Variants in NTM observed in about 807,000 individuals in gnomAD.
NTM encodes the protein neurotrimin, also known as IgLON family member 2.
Under a neutral mutation model 42.1 loss-of-function variants are expected in NTM, and 13 were observed. That is an observed-to-expected ratio of 0.31 (90% CI 0.20 to 0.49). NTM has a LOEUF of 0.49. Ranked by LOEUF, NTM falls within the 20% of genes least tolerant of loss-of-function variation. The pLI, the probability that NTM is intolerant of heterozygous loss-of-function variation, is 0.99. For missense variants in NTM, 373 were observed against 452.8 expected, an observed-to-expected ratio of 0.82 and a Z score of 1.60; for synonymous variants, 187 against 179.2, an observed-to-expected ratio of 1.04 and a Z score of -0.35.
At chr11:131,968,112 A>T (rs1360366294) in intron 2 of NTM, among the ~76,000 whole-genome samples, 1 of 152,226 alleles carries the variant, frequency 6.6e-6, no homozygotes, top group African/African-American at 2.4e-5. Context: ...AATCACCTTT[A>T]TACAATTATC....
chr11:131,486,015 C>T (rs891644302), intron 1 of NTM, among the ~76,000 whole-genome samples: 27 of 151,982 alleles, frequency 1.8e-4, no homozygotes, highest in Middle Eastern at 3.2e-3. Context: ...ACAGAGTTGT[C>T]GTGAGGTTCA....
chr11:131,968,726 G>A (rs1481531783), intron 2 of NTM, among the ~76,000 whole-genome samples: 1 of 152,126 alleles, frequency 6.6e-6, no homozygotes, highest in Non-Finnish European at 1.5e-5. Context: ...CAGGCATGGG[G>A]GTGATAATTC....
At chr11:131,591,434 T>A (rs1189667922) in intron 1 of NTM, among the ~76,000 whole-genome samples, 1 of 152,012 alleles carries the variant, frequency 6.6e-6, no homozygotes, top group Non-Finnish European at 1.5e-5. Flanking sequence ...CTGGGGGAGA[T>A]GGAAGGGGGG....
chr11:132,176,732 T>G (rs1043514287), intron 3 of NTM, among the ~76,000 whole-genome samples: 54 of 141,634 alleles, frequency 3.8e-4, no homozygotes, highest in African/African-American at 1.4e-3. Context: ...GTTTTTTTTT[T>G]TTTTTTTTTT....
At chr11:131,503,698 CT>C (rs35447251) in intron 1 of NTM, among the ~76,000 whole-genome samples, 13 of 151,310 alleles carry the variant, frequency 8.6e-5, no homozygotes, top group South Asian at 2.1e-4. Flanking sequence ...AATTGTTTCT[CT>C]TTTTTTTGTA....
At chr11:131,435,125 C>T (rs1042582197) in intron 1 of NTM, among the ~76,000 whole-genome samples, 5 of 152,044 alleles carry the variant, frequency 3.3e-5, no homozygotes, top group African/African-American at 1.2e-4. Flanking sequence ...TTTCTGAGGC[C>T]TCTGTTCTGT....
intron 2 of NTM, among the ~76,000 whole-genome samples, chr11:132,039,592 G>A (rs1448711877): frequency 6.6e-6 from 1 of 152,106 alleles, no homozygotes; most frequent in African/African-American, 2.4e-5. Flanking sequence ...GGGCCAGGAA[G>A]AGGAGTGGAG....
At chr11:131,675,148 C>T (rs1449490946) in intron 1 of NTM, among the ~76,000 whole-genome samples, 1 of 152,162 alleles carries the variant, frequency 6.6e-6, no homozygotes, top group African/African-American at 2.4e-5. Flanking sequence ...ACGAAGAGAG[C>T]ATTTATCTTT....
At chr11:131,404,592 T>C (rs948948236) in intron 1 of NTM, among the ~76,000 whole-genome samples, 3 of 152,182 alleles carry the variant, frequency 2.0e-5, no homozygotes, top group Non-Finnish European at 4.4e-5. Context: ...ACCTTCCCCA[T>C]GAACTCCAGA....
chr11:131,924,316 G>C lies in NTM; in HGVS notation c.167+12668G>C, dbSNP rs2057651678. 1.3e-5 allele frequency among the ~76,000 whole-genome samples: 2 copies of C among 152,164 alleles called. 1 individual carries two copies. Among genetic ancestry groups the C allele is most frequent in the South Asian group, 4.1e-4 (2 of 4,824 alleles). On this transcript the variant is annotated intron_variant, in intron 2 of 8. Transcript: ENST00000683400. ...TGGCTCTGTCCCAACGCATCATGTGGGGCTACTAAGAAAATGAGCATTCCC... is the reference window on the plus strand; with the variant it reads ...TGGCTCTGTCCCAACGCATCATGTGCGGCTACTAAGAAAATGAGCATTCCC...
At chr11:132,058,486 A>G (rs2080084639) in intron 2 of NTM, among the ~76,000 whole-genome samples, 2 of 152,100 alleles carry the variant, frequency 1.3e-5, no homozygotes, top group Non-Finnish European at 2.9e-5. Flanking sequence ...GACTTCTCCC[A>G]CTGCAATGAG....
chr11:132,100,791 T>C (rs2061535002), intron 2 of NTM, among the ~76,000 whole-genome samples: 1 of 152,204 alleles, frequency 6.6e-6, no homozygotes, highest in Admixed American at 6.5e-5. Flanking sequence ...TGTTTTGATA[T>C]GTGAGGTGGG....
Position 132,304,157 on chromosome 11 carries a change from T to C in NTM, c.527-3532T>C, listed in dbSNP as rs141731505. On this transcript the variant is annotated intron_variant, in intron 4 of 8. Coordinates refer to ENST00000683400, the MANE Select transcript of NTM (RefSeq NM_001352005.2). ...GATAATAAGGGAGTAGAGTTTGTGT[T>C]TGATGTGACAGAAAAATAAGGAGCC... Among the ~76,000 whole-genome samples the C allele has an allele frequency of 2.2e-4, 34 of 152,264 alleles. No homozygotes were observed. In the East Asian group the frequency reaches 4.1e-3, roughly 18 times the overall value.
At chr11:132,315,013 T>TCATTCTATAATGG (rs2095390821) in intron 7 of NTM, 1 of 1,131,602 alleles carries the variant, frequency 8.8e-7, no homozygotes, top group Non-Finnish European at 1.1e-6. Flanking sequence ...TGTTCATGTT[T>TCATTCTATAATGG]CATTCTATAA....
Position 132,005,169 on chromosome 11 carries a change from G to A in NTM, c.167+93521G>A, listed in dbSNP as rs184015740. Among the ~76,000 whole-genome samples, 41 of 152,212 alleles carry A rather than the reference G, an allele frequency of 2.7e-4. No homozygotes were observed. The East Asian group carries it at 7.6e-3, about 28-fold the overall frequency. ...AGTCTAAAAAAATATCACTCTCCAGGTCCCATGCATGGAGATTGTCATTCT... is the reference window on the plus strand; with the variant it reads ...AGTCTAAAAAAATATCACTCTCCAGATCCCATGCATGGAGATTGTCATTCT... On this transcript the variant is annotated intron_variant, in intron 2 of 8. Transcript: ENST00000683400.
chr11:131,809,480 C>T (rs1031317043), intron 1 of NTM, among the ~76,000 whole-genome samples: 5 of 152,138 alleles, frequency 3.3e-5, no homozygotes, highest in East Asian at 1.9e-4. Flanking sequence ...TGAGGCCACC[C>T]GTATAAGACT....
At chr11:132,312,936 C>G (rs146953351) in intron 6 of NTM, among the ~76,000 whole-genome samples, 1 of 152,144 alleles carries the variant, frequency 6.6e-6, no homozygotes, top group Non-Finnish European at 1.5e-5. Flanking sequence ...AGTTCATTGC[C>G]CCTAGCGTTT....
intron 4 of NTM, among the ~76,000 whole-genome samples, chr11:132,250,024 C>T (rs1166043822): frequency 3.9e-5 from 6 of 152,210 alleles, no homozygotes; most frequent in African/African-American, 1.4e-4. Context: ...TATTTTCCTT[C>T]TGCCTTAATC....
chr11:132,277,036 AT>A (rs1272602384), intron 4 of NTM, among the ~76,000 whole-genome samples: 1 of 152,080 alleles, frequency 6.6e-6, no homozygotes, highest in Non-Finnish European at 1.5e-5. Context: ...ATCCACTTCT[AT>A]TTCTAGCAGT....
Sources: allele counts gnomAD v4.1 joint callset (sites outside exome capture counted in the v4.1 genomes callset), GRCh38; gene constraint gnomAD v4.1.1; transcripts MANE v1.5; gene names NCBI Gene and HGNC (gene_info 2026-07-23, HGNC 2026-07-21).